The following BEND5 variants were observed in gnomAD, a reference collection of about 807,000 sequenced individuals.
BEND5 encodes BEN domain-containing protein 5.
A neutral mutation model predicts 43.9 loss-of-function variants in BEND5; 22 were observed. That is an observed-to-expected ratio of 0.50 (90% CI 0.36 to 0.72). The LOEUF is 0.72. BEND5 is among the 30% of genes least tolerant of loss of function. The pLI, the probability that BEND5 is intolerant of heterozygous loss-of-function variation, is 0.00. For synonymous variants in BEND5, 228 were observed against 225.9 expected (o/e 1.01, Z -0.08); for missense variants, 428 against 550.6 (o/e 0.78, Z 2.23).
rs1221238162 is a variant in BEND5 at position 48,744,904 on chromosome 1, A to T, written c.746-2133T>A. Among the ~76,000 whole-genome samples the T allele has an allele frequency of 5.3e-5, 8 of 152,282 alleles. No individual in the cohort carries two copies. In the South Asian group the frequency reaches 6.2e-4, roughly 12 times the overall value. The stretch of plus-strand genomic sequence containing the variant: ...TGTGCTGTTTGTCTTGGCGCTGAAC[A>T]CTACCTCATCTGTCTGCCAAGCACC... On this transcript the variant is annotated intron_variant, in intron 3 of 5. Transcript: ENST00000371833.
rs140154790 is a variant in BEND5, at chr1:48,771,523, C to T, written c.226+5083G>A. Among the ~76,000 whole-genome samples the T allele has an allele frequency of 2.5e-3, 388 of 152,286 alleles. 3 individuals carry two copies. Among genetic ancestry groups the T allele is most frequent in the African/African-American group, 9.1e-3 (379 of 41,570 alleles). ...GAGAAATCACATTAGACTGAACCCTCAATGGTTAACATCCCAGTAGAATCC... is the reference window on the plus strand; with the variant it reads ...GAGAAATCACATTAGACTGAACCCTTAATGGTTAACATCCCAGTAGAATCC... On this transcript the variant is annotated intron_variant, in intron 1 of 5. Transcript: ENST00000371833.
chr1:48,738,042 G>T (rs1328192648), intron 4 of BEND5, among the ~76,000 whole-genome samples: 2 of 152,176 alleles, frequency 1.3e-5, no homozygotes, highest in Non-Finnish European at 2.9e-5. Flanking sequence ...ACTAATGGCA[G>T]ACCAGCAAGA....
At chr1:48,740,232 T>C (rs1376948757) in intron 4 of BEND5, among the ~76,000 whole-genome samples, 1 of 152,150 alleles carries the variant, frequency 6.6e-6, no homozygotes, top group Non-Finnish European at 1.5e-5. Flanking sequence ...CCCCTGAGGT[T>C]AGCAAGGCTC....
At chr1:48,765,045 T>C (rs993527316) in intron 1 of BEND5, among the ~76,000 whole-genome samples, 8 of 152,240 alleles carry the variant, frequency 5.3e-5, no homozygotes, top group East Asian at 1.9e-4. Flanking sequence ...TTCTTTCTTA[T>C]GTGCTAGACA....
At position 48,759,222 on chromosome 1, in the gene BEND5, C is replaced by A. The variant is rs1439867911; in HGVS notation, c.423G>T (p.Arg141=). Reference sequence around the variant, plus strand: ...GGCTCAGGCCGTTCTGCTTCTCTAGCCGAGCCACCACTGCCTCGATGCTCT... The same window carrying A: ...GGCTCAGGCCGTTCTGCTTCTCTAGACGAGCCACCACTGCCTCGATGCTCT... ...AHKSIEAVVA[R]LEKQNGLSLG... is the part of the protein sequence containing the mutation. Residue 141 remains arginine (R), a synonymous_variant, in exon 3 of 6, where the codon CGG becomes CGT. Transcript: ENST00000371833. 1 of 1,603,842 alleles carries A rather than the reference C, an allele frequency of 6.2e-7. No homozygotes were observed. Among genetic ancestry groups the A allele is most frequent in the Non-Finnish European group, 8.5e-7 (1 of 1,175,150 alleles).
intron 1 of BEND5, among the ~76,000 whole-genome samples, chr1:48,766,156 A>G (rs1455206666): frequency 6.6e-6 from 1 of 152,200 alleles, no homozygotes; most frequent in Non-Finnish European, 1.5e-5. Context: ...ACCTCTATAA[A>G]GATCTTCATA....
At chr1:48,737,059 G>A (rs529154338) in intron 4 of BEND5, among the ~76,000 whole-genome samples, 77 of 152,250 alleles carry the variant, frequency 5.1e-4, no homozygotes, top group African/African-American at 1.6e-3. Context: ...AGAGGTGGGC[G>A]GATCACGAGA....
At chr1:48,732,281 T>C (rs1648265034) in intron 5 of BEND5, among the ~76,000 whole-genome samples, 1 of 152,126 alleles carries the variant, frequency 6.6e-6, no homozygotes, top group Non-Finnish European at 1.5e-5. Context: ...TGTGGGCATC[T>C]GTGAAGAGAT....
chr1:48,746,885 G>C (rs1557938099), intron 3 of BEND5, among the ~76,000 whole-genome samples: 3 of 152,202 alleles, frequency 2.0e-5, no homozygotes. Flanking sequence ...TCAATCAACA[G>C]AGCGCAATGT....
chr1:48,750,532 C>T (rs1384145139), intron 3 of BEND5, among the ~76,000 whole-genome samples: 6 of 152,140 alleles, frequency 3.9e-5, no homozygotes, highest in Admixed American at 6.5e-5. Context: ...CCTGAGAGCT[C>T]GGGACCAAAG....
At chr1:48,765,884 G>A (rs1644504000) in intron 1 of BEND5, among the ~76,000 whole-genome samples, 1 of 152,152 alleles carries the variant, frequency 6.6e-6, no homozygotes, top group African/African-American at 2.4e-5. Flanking sequence ...ACAAAAAGTA[G>A]TTTAGTTGTT....
intron 3 of BEND5, among the ~76,000 whole-genome samples, chr1:48,746,806 G>A (rs765211594): frequency 6.6e-6 from 1 of 152,206 alleles, no homozygotes; most frequent in Non-Finnish European, 1.5e-5. Flanking sequence ...GTCTCTGGAA[G>A]AGCCTAGCAC....
intron 1 of BEND5, among the ~76,000 whole-genome samples, chr1:48,768,631 T>C (rs1644650771): frequency 6.6e-6 from 1 of 152,314 alleles, no homozygotes; most frequent in South Asian, 2.1e-4. Context: ...GGGAGAAATT[T>C]TGTCTTAACT....
At chr1:48,759,485 G>C in intron 2 of BEND5, 1 of 1,081,422 alleles carries the variant, frequency 9.2e-7, no homozygotes, top group Non-Finnish European at 1.3e-6. Context: ...GGGGTTCCGA[G>C]TGGGGAAGGG....
chr1:48,746,796 G>T (rs763805185), intron 3 of BEND5, among the ~76,000 whole-genome samples: 1 of 152,188 alleles, frequency 6.6e-6, no homozygotes. Flanking sequence ...GGCTGCTGAC[G>T]TCTCTGGAAG....
At chr1:48,752,981 C>A (rs1019724338) in intron 3 of BEND5, among the ~76,000 whole-genome samples, 1 of 152,178 alleles carries the variant, frequency 6.6e-6, no homozygotes, top group African/African-American at 2.4e-5. Flanking sequence ...ATCTCTTGAC[C>A]TCGTGATCCG....
intron 3 of BEND5, among the ~76,000 whole-genome samples, chr1:48,752,144 T>G (rs1038502250): frequency 1.3e-4 from 20 of 152,158 alleles, no homozygotes; most frequent in Non-Finnish European, 2.9e-5. Context: ...ACAAGGGAGA[T>G]GTAAACATCT....
At chr1:48,745,062 T>G (rs1650527155) in intron 3 of BEND5, among the ~76,000 whole-genome samples, 1 of 152,236 alleles carries the variant, frequency 6.6e-6, no homozygotes, top group Non-Finnish European at 1.5e-5. Context: ...CTGTCGGTTT[T>G]CAACATTAGA....
At chr1:48,741,652 G>T (rs942520738) in intron 4 of BEND5, among the ~76,000 whole-genome samples, 1 of 152,262 alleles carries the variant, frequency 6.6e-6, no homozygotes, top group African/African-American at 2.4e-5. Flanking sequence ...GCCAGTTGCA[G>T]AGACATATCT....
Sources: allele counts gnomAD v4.1 joint callset (sites outside exome capture counted in the v4.1 genomes callset), GRCh38; gene constraint gnomAD v4.1.1; transcripts MANE v1.5; gene names NCBI Gene and HGNC (gene_info 2026-07-23, HGNC 2026-07-21).